Variants in SH3KBP1 observed in about 807,000 individuals in gnomAD.
SH3KBP1 encodes SH3 domain-containing kinase-binding protein 1.
In SH3KBP1, 8 loss-of-function variants were observed where a neutral mutation model predicts 50.1. That is an observed-to-expected ratio of 0.16 (90% CI 0.09 to 0.29). The LOEUF (loss-of-function observed/expected upper bound fraction) is 0.29, where lower values mean the gene tolerates loss of function less well. Ranked by LOEUF, SH3KBP1 falls within the 10% of genes least tolerant of loss-of-function variation. The pLI is 1.00. For missense variants in SH3KBP1, 377 were observed against 535.2 expected (o/e 0.70, Z 2.92); for synonymous variants, 227 against 218.6 (o/e 1.04, Z -0.34).
chrX:19,855,285 G>A (rs1215210887), intron 1 of SH3KBP1, among the ~76,000 whole-genome samples: 1 of 111,896 alleles, frequency 8.9e-6, no homozygotes. Flanking sequence ...TGCCCCGCCG[G>A]TAAGCTTTTT....
At chrX:19,693,176 T>C (rs1374506460) in intron 5 of SH3KBP1, among the ~76,000 whole-genome samples, 3 of 112,013 alleles carry the variant, frequency 2.7e-5, no homozygotes, top group Admixed American at 9.5e-5. Flanking sequence ...CTGGACACTT[T>C]GCTGAACTCG....
chrX:19,744,994 C>T (rs191647924), intron 3 of SH3KBP1, among the ~76,000 whole-genome samples: 2 of 112,361 alleles, frequency 1.8e-5, no homozygotes, highest in East Asian at 5.6e-4. Context: ...GCCGTGCCCG[C>T]GGACCCAAGA....
intron 2 of SH3KBP1, among the ~76,000 whole-genome samples, chrX:19,792,287 AT>A (rs1203348729): frequency 2.7e-5 from 3 of 111,644 alleles, no homozygotes; most frequent in African/African-American, 9.8e-5. Flanking sequence ...TTGGAAAATT[AT>A]TTTTTTAATA....
intron 14 of SH3KBP1, among the ~76,000 whole-genome samples, chrX:19,546,923 G>T (rs1175299303): frequency 9.0e-6 from 1 of 111,204 alleles, no homozygotes; most frequent in Admixed American, 9.6e-5. Flanking sequence ...ATTATGAGGC[G>T]GGAGGATCTC....
intron 6 of SH3KBP1, among the ~76,000 whole-genome samples, chrX:19,648,861 T>C (rs2062053958): frequency 9.0e-6 from 1 of 111,276 alleles, no homozygotes; most frequent in African/African-American, 3.3e-5. Flanking sequence ...TGGTGAATTA[T>C]TGCTTTCCCG....
At chrX:19,680,380 CAAAA>C (rs763413288) in intron 6 of SH3KBP1, among the ~76,000 whole-genome samples, 2 of 37,783 alleles carry the variant, frequency 5.3e-5, no homozygotes, top group Admixed American at 3.6e-4. Context: ...ACTCTTGTTT[CAAAA>C]AAAAAAAAAA....
chrX:19,555,932 T>G (rs1322172302), intron 13 of SH3KBP1, among the ~76,000 whole-genome samples: 1 of 112,044 alleles, frequency 8.9e-6, no homozygotes, highest in East Asian at 2.8e-4. Context: ...TTTAGTGCCC[T>G]GTACTGACAT....
Position 19,631,957 on chromosome X carries a change from G to A in SH3KBP1, c.804C>T (p.Ser268=), listed in dbSNP as rs768675055. Residue 268 remains serine, a splice_region_variant and synonymous_variant, in exon 8 of 18, where the codon AGC becomes AGT. Transcript: ENST00000397821. Reference sequence around the variant, plus strand: ...GAAATATTACTTTGCAGTAATCCTTGCCTATAAGAAAAACAGAAAACATAA... The same window carrying A: ...GAAATATTACTTTGCAGTAATCCTTACCTATAAGAAAAACAGAAAACATAA... ...SKTEMDSRTK[S]KDYCKVIFPY... is the part of the protein sequence containing the mutation. 3 of 1,140,307 alleles carry A rather than the reference G, an allele frequency of 2.6e-6. No individual in the cohort carries two copies. The South Asian group carries it at 5.9e-5, about 22-fold the overall frequency. 94.0% of individuals were successfully genotyped at this position (1,140,307 alleles called of 1,213,427 possible).
intron 2 of SH3KBP1, among the ~76,000 whole-genome samples, chrX:19,774,641 CCT>C (rs1304496096): frequency 1.3e-5 from 1 of 78,232 alleles, no homozygotes; most frequent in African/African-American, 4.4e-5. Flanking sequence ...ACTGCACTCC[CCT>C]GTCTCAAAAA....
intron 12 of SH3KBP1, among the ~76,000 whole-genome samples, chrX:19,577,795 GAAGA>G (rs2066248000): frequency 9.0e-6 from 1 of 110,991 alleles, no homozygotes; most frequent in African/African-American, 3.3e-5. Flanking sequence ...AAGGATGAAA[GAAGA>G]AAGAGCAAAT....
intron 3 of SH3KBP1, among the ~76,000 whole-genome samples, chrX:19,716,268 A>C (rs2063906449): frequency 8.9e-6 from 1 of 112,082 alleles, no homozygotes; most frequent in African/African-American, 3.2e-5. Flanking sequence ...GGCACTCCAA[A>C]TAAAAGGACC....
At position 19,887,313 on chromosome X, in the gene SH3KBP1, G is replaced by A. The variant is rs1367066472; in HGVS notation, c.-3C>T. On this transcript the variant is annotated 5_prime_UTR_variant, in exon 1 of 18. Coordinates refer to ENST00000397821, the MANE Select transcript of SH3KBP1 (RefSeq NM_031892.3). ...GCGGGCGGCCCCCACTCACCCATTG[G>A]CGTCGAGCCGGGCCGGGCCGCCGAG... 1.6e-4 allele frequency: 157 copies of A among 978,688 alleles called. No homozygotes were observed. Among genetic ancestry groups the A allele is most frequent in the Non-Finnish European group, 1.9e-4 (151 of 777,303 alleles). The allele number at this position is 978,688 out of a possible 1,213,427, so 80.7% of individuals were successfully genotyped here. A position where few individuals can be genotyped will look rare whatever the true frequency, so the allele number is the denominator to read the frequency against.
chrX:19,675,783 C>T (rs2062915787), intron 6 of SH3KBP1, among the ~76,000 whole-genome samples: 2 of 112,179 alleles, frequency 1.8e-5, no homozygotes, highest in South Asian at 3.7e-4. Flanking sequence ...TTAGAAAATA[C>T]GCTAGGCTGA....
At chrX:19,537,498 A>AAACCCAAT (rs778327380) in intron 17 of SH3KBP1, among the ~76,000 whole-genome samples, 53 of 110,948 alleles carry the variant, frequency 4.8e-4, no homozygotes, top group African/African-American at 1.7e-3. Context: ...TCCAAATGAG[A>AAACCCAAT]AACCCAATTT....
chrX:19,648,442 A>G (rs759068752), intron 6 of SH3KBP1, among the ~76,000 whole-genome samples: 6 of 98,620 alleles, frequency 6.1e-5, no homozygotes, highest in Non-Finnish European at 1.2e-4. Context: ...GAAGGAAGGA[A>G]GGAGGGAAGG....
At chrX:19,849,550 G>A (rs933960784) in intron 1 of SH3KBP1, among the ~76,000 whole-genome samples, 6 of 109,530 alleles carry the variant, frequency 5.5e-5, no homozygotes, top group African/African-American at 1.7e-4. Flanking sequence ...TTAGCTAGGC[G>A]TGGTGGCACG....
intron 1 of SH3KBP1, among the ~76,000 whole-genome samples, chrX:19,866,862 CTT>C (rs1167752144): frequency 2.7e-5 from 3 of 109,958 alleles, no homozygotes; most frequent in Non-Finnish European, 5.7e-5. Flanking sequence ...TTTTAGGCCT[CTT>C]GAGAGAAATA....
intron 2 of SH3KBP1, chrX:19,799,483 G>A: frequency 1.8e-6 from 1 of 552,201 alleles, no homozygotes; most frequent in East Asian, 3.5e-5. Flanking sequence ...CTGGGGCCAA[G>A]TGGAAAACAG....
intron 15 of SH3KBP1, among the ~76,000 whole-genome samples, chrX:19,545,685 A>G (rs542195631): frequency 8.9e-6 from 1 of 112,008 alleles, no homozygotes; most frequent in South Asian, 3.7e-4. Context: ...TGGTATGAAG[A>G]GGAGATCAAA....
Sources: allele counts gnomAD v4.1 joint callset (sites outside exome capture counted in the v4.1 genomes callset), GRCh38; gene constraint gnomAD v4.1.1; transcripts MANE v1.5; gene names NCBI Gene and HGNC (gene_info 2026-07-23, HGNC 2026-07-21).